Variants in PAPPA2 observed in about 807,000 individuals in gnomAD.
The protein encoded by PAPPA2 is pappalysin-2.
PAPPA2 carries 86 observed loss-of-function variants against 176.4 expected under a neutral mutation model. The ratio of observed to expected loss-of-function variants is 0.49; its 90% CI spans 0.41 to 0.58. The LOEUF is 0.58. Among genes scored for constraint, PAPPA2 ranks in the 20% least tolerant of loss-of-function variants. PAPPA2 has a pLI of 0.00. For missense variants in PAPPA2, 2,073 were observed against 2,256.9 expected (o/e 0.92, Z 1.65); for synonymous variants, 809 against 852.2 (o/e 0.95, Z 0.88).
intron 3 of PAPPA2, among the ~76,000 whole-genome samples, chr1:176,658,802 T>C (rs74877768): frequency 0.017 from 2,603 of 151,934 alleles, 40 homozygotes; most frequent in Non-Finnish European, 0.025. Flanking sequence ...ACATAGGTCA[T>C]GGGGTATCAA....
Position 176,687,316 on chromosome 1 carries a change from T to A in PAPPA2, c.2138-2821T>A, listed in dbSNP as rs1250493588. On this transcript the variant is annotated intron_variant, in intron 4 of 22. Transcript: ENST00000367662. The stretch of plus-strand genomic sequence containing the variant: ...GTTACACTGGAGAACCCTGGCCAAT[T>A]GTCCTGGGTATGGAGGGGATTTGCT... Among the ~76,000 whole-genome samples, 3 of 152,204 alleles carry A rather than the reference T, an allele frequency of 2.0e-5. No individual in the cohort carries two copies. The East Asian group carries it at 5.8e-4, about 29-fold the overall frequency.
chr1:176,582,154 C>T (rs1485330014), intron 2 of PAPPA2, among the ~76,000 whole-genome samples: 1 of 151,978 alleles, frequency 6.6e-6, no homozygotes, highest in Non-Finnish European at 1.5e-5. Context: ...GTCTCGATCT[C>T]CTGACCTTGT....
chr1:176,798,247 T>G (rs1365035736), intron 20 of PAPPA2, among the ~76,000 whole-genome samples: 1 of 152,194 alleles, frequency 6.6e-6, no homozygotes, highest in Non-Finnish European at 1.5e-5. Context: ...TTATAGCAAA[T>G]GACTGGAAAT....
At chr1:176,803,156 A>G (rs544944712) in intron 21 of PAPPA2, among the ~76,000 whole-genome samples, 19 of 152,300 alleles carry the variant, frequency 1.2e-4, no homozygotes, top group Non-Finnish European at 1.2e-4. Flanking sequence ...AAACTTTTGA[A>G]GTCAAACGAC....
chr1:176,805,587 C>T (rs1449640883), intron 21 of PAPPA2, among the ~76,000 whole-genome samples: 1 of 152,138 alleles, frequency 6.6e-6, no homozygotes, highest in Non-Finnish European at 1.5e-5. Flanking sequence ...CTGATTTTAA[C>T]GTGTTTTATG....
At chr1:176,720,846 C>T (rs1294975333) in intron 12 of PAPPA2, among the ~76,000 whole-genome samples, 2 of 152,210 alleles carry the variant, frequency 1.3e-5, no homozygotes, top group East Asian at 3.9e-4. Context: ...GCTCAGGAGC[C>T]CCCAAGAAGC....
chr1:176,723,159 C>A (rs1218292311), intron 12 of PAPPA2, among the ~76,000 whole-genome samples: 1 of 152,144 alleles, frequency 6.6e-6, no homozygotes, highest in Non-Finnish European at 1.5e-5. Context: ...CCTATGATAA[C>A]TGAACTACTC....
intron 17 of PAPPA2, among the ~76,000 whole-genome samples, chr1:176,779,837 TC>T (rs1046784296): frequency 6.6e-6 from 1 of 152,144 alleles, no homozygotes; most frequent in African/African-American, 2.4e-5. Context: ...TACACATTCT[TC>T]CTGATGGGAA....
intron 12 of PAPPA2, among the ~76,000 whole-genome samples, chr1:176,724,297 A>G (rs1661760238): frequency 1.3e-5 from 2 of 152,300 alleles, no homozygotes; most frequent in Non-Finnish European, 1.5e-5. Context: ...TTAAATACTT[A>G]TTGTCAACTC....
At chr1:176,529,626 C>A (rs1383241728) in intron 1 of PAPPA2, among the ~76,000 whole-genome samples, 1 of 152,242 alleles carries the variant, frequency 6.6e-6, no homozygotes, top group South Asian at 2.1e-4. Context: ...GTGCTGCCTT[C>A]CCTTGCCACA....
intron 3 of PAPPA2, among the ~76,000 whole-genome samples, chr1:176,599,390 A>G (rs935527870): frequency 6.6e-6 from 1 of 151,470 alleles, no homozygotes; most frequent in Admixed American, 6.6e-5. Context: ...TTACTTTGAT[A>G]TTTCTTCATT....
At chr1:176,806,371 A>G (rs963746926) in intron 21 of PAPPA2, among the ~76,000 whole-genome samples, 13 of 152,188 alleles carry the variant, frequency 8.5e-5, no homozygotes, top group African/African-American at 3.1e-4. Context: ...CTATTCCCCT[A>G]AAGACAGAGA....
At chr1:176,786,050 G>T (rs1664920923) in intron 17 of PAPPA2, among the ~76,000 whole-genome samples, 1 of 152,140 alleles carries the variant, frequency 6.6e-6, no homozygotes, top group South Asian at 2.1e-4. Context: ...GTTCAGCAGA[G>T]GTAGGGGAAG....
At chr1:176,658,004 T>C (rs190104814) in intron 3 of PAPPA2, among the ~76,000 whole-genome samples, 24 of 152,130 alleles carry the variant, frequency 1.6e-4, no homozygotes, top group Non-Finnish European at 1.5e-5. Context: ...CTTGATAATA[T>C]GTAAGATGAT....
intron 3 of PAPPA2, among the ~76,000 whole-genome samples, chr1:176,664,778 A>G (rs543829609): frequency 7.9e-5 from 12 of 152,322 alleles, no homozygotes; most frequent in African/African-American, 2.6e-4. Flanking sequence ...TTCCACATGA[A>G]TTAGCAAACG....
At chr1:176,816,282 A>G (rs1666397771) in intron 21 of PAPPA2, among the ~76,000 whole-genome samples, 1 of 135,756 alleles carries the variant, frequency 7.4e-6, no homozygotes, top group Non-Finnish European at 1.6e-5. Context: ...CGTATATATA[A>G]TGCTTCTACT....
intron 3 of PAPPA2, among the ~76,000 whole-genome samples, chr1:176,627,329 T>C (rs1656088646): frequency 6.6e-6 from 1 of 152,208 alleles, no homozygotes; most frequent in South Asian, 2.1e-4. Context: ...AGTTGTTTTT[T>C]AAAAAGCTAT....
intron 1 of PAPPA2, among the ~76,000 whole-genome samples, chr1:176,471,713 T>C (rs1031473603): frequency 6.6e-6 from 1 of 152,242 alleles, no homozygotes; most frequent in Non-Finnish European, 1.5e-5. Context: ...TTTAGTTTTA[T>C]CTATTTAAAA....
chr1:176,691,539 G>GC lies in PAPPA2; in HGVS notation c.2432-586dup, dbSNP rs557744503. Among the ~76,000 whole-genome samples the GC allele has an allele frequency of 1.3e-3, 199 of 152,314 alleles. 1 individual carries two copies. The highest frequency in any genetic ancestry group is 2.2e-3 in the Non-Finnish European group (150 of 68,024). ...GGAAACATTTAGGAAGCTGAGTGAG[G>GC]CAGTATTTGACTGGTGTGCTTTCAC... On this transcript the variant is annotated intron_variant, in intron 5 of 22. Coordinates refer to ENST00000367662, the MANE Select transcript of PAPPA2 (RefSeq NM_020318.3).
Sources: gnomAD v4.1 joint callset for allele counts (sites outside exome capture counted in the v4.1 genomes callset) on GRCh38, gnomAD v4.1.1 for gene constraint, MANE v1.5 for transcripts, NCBI Gene and HGNC (gene_info 2026-07-23, HGNC 2026-07-21) for gene names.